Variants in ERVH48-1 observed in about 807,000 individuals in gnomAD.
ERVH48-1 encodes suppressyn.
Under a neutral mutation model 2.4 loss-of-function variants are expected in ERVH48-1, and 4 were observed. That is an observed-to-expected ratio of 1.68 (90% CI 0.83 to 3.84). ERVH48-1 has a LOEUF of 3.84. ERVH48-1 is among the 30% of genes most tolerant of loss of function. ERVH48-1 has a pLI of 0.01. For synonymous variants in ERVH48-1, 32 were observed against 15.5 expected, an observed-to-expected ratio of 2.06 and a Z score of -2.49; for missense variants, 97 against 43.4, an observed-to-expected ratio of 2.23 and a Z score of -3.47.
intron 1 of ERVH48-1, among the ~76,000 whole-genome samples, chr21:42,924,861 T>A (rs1189463012): frequency 6.6e-6 from 1 of 151,858 alleles, no homozygotes; most frequent in Non-Finnish European, 1.5e-5. Flanking sequence ...TTGTCACCGC[T>A]GCCTTTTTCA....
In ERVH48-1 at chr21:42,917,459, GACT is replaced by G. The variant is rs1181680353; in HGVS notation, c.*1062_*1064del. 2 of 152,138 alleles carry G rather than the reference GACT, an allele frequency of 1.3e-5. No homozygotes were observed. 9.4% of individuals were successfully genotyped at this position (152,138 alleles called of 1,614,324 possible). On this transcript the variant is annotated 3_prime_UTR_variant, in exon 2 of 2. Transcript: ENST00000447535. ...CTGGGTCCCATCCCTCCCAGGTTTGGACTGGTACACGGGCTACTTTTCTGATGT... is the reference window on the plus strand; with the variant it reads ...CTGGGTCCCATCCCTCCCAGGTTTGGGGTACACGGGCTACTTTTCTGATGT...
At chr21:42,922,917 T>G (rs1377292140) in intron 1 of ERVH48-1, among the ~76,000 whole-genome samples, 2 of 152,058 alleles carry the variant, frequency 1.3e-5, no homozygotes, top group South Asian at 4.1e-4. Context: ...GTTGACTTGA[T>G]ATTAATTTTA....
rs1301378343 is a variant in ERVH48-1, at chr21:42,918,974, G to A, written c.33C>T (p.Thr11=). Residue 11 remains threonine, a synonymous_variant, in exon 2 of 2, where the codon ACC becomes ACT. Coordinates refer to ENST00000447535, the MANE Select transcript of ERVH48-1 (RefSeq NM_001308491.2). MACIYPTTFY[T]SLPTKSLNMG... ...TATTAAGACTTTTGGTTGGAAGAGA[G>A]GTATAGAAAGTGGTTGGGTAGATAC... The A allele has an allele frequency of 1.1e-6, 1 of 912,166 alleles. No individual in the cohort carries two copies. The highest frequency in any genetic ancestry group is 1.7e-5 in the African/African-American group (1 of 58,292). The allele number at this position is 912,166 out of a possible 1,614,324, so 56.5% of individuals were successfully genotyped here. A position where few individuals can be genotyped will look rare whatever the true frequency, so the allele number is the denominator to read the frequency against.
At chr21:42,919,466 T>C (rs1268009159) in intron 1 of ERVH48-1, 175 bp from the exon 2 acceptor site, 1 of 155,406 alleles carries the variant, frequency 6.4e-6, no homozygotes, top group Non-Finnish European at 1.4e-5. Flanking sequence ...CGGCCATACA[T>C]GATCTCAAAG....
intron 1 of ERVH48-1, among the ~76,000 whole-genome samples, chr21:42,924,713 C>T (rs2058815902): frequency 6.6e-6 from 1 of 152,078 alleles, no homozygotes; most frequent in Non-Finnish European, 1.5e-5. Context: ...CTAAGGTTTG[C>T]AGGTTTTTCA....
In ERVH48-1 at chr21:42,919,154, C is replaced by A; in HGVS notation, c.-148G>T. On this transcript the variant is annotated 5_prime_UTR_variant, in exon 2 of 2. Transcript: ENST00000447535. ...GAAGCTGCCTTGGGGGTGAGCTTGA[C>A]CCTGGTGCGATGGATCCAGTTGGGG... The A allele has an allele frequency of 9.8e-7, 1 of 1,021,758 alleles. No homozygotes were observed. The highest frequency in any genetic ancestry group is 1.3e-6 in the Non-Finnish European group (1 of 789,702). 63.3% of individuals were successfully genotyped at this position (1,021,758 alleles called of 1,614,324 possible).
At position 42,919,047 on chromosome 21, in the gene ERVH48-1, T is replaced by TAAAAAA; in HGVS notation, c.-42_-41insTTTTTT. The TAAAAAA allele has an allele frequency of 8.2e-7, 1 of 1,219,966 alleles. No homozygotes were observed. The highest frequency in any genetic ancestry group is 3.1e-5 in the Admixed American group (1 of 32,120). The allele number at this position is 1,219,966 out of a possible 1,614,324, so 75.6% of individuals were successfully genotyped here. A position where few individuals can be genotyped will look rare whatever the true frequency, so the allele number is the denominator to read the frequency against. ...GTTAGTCTTCCTTGTGTTTTGGTTTTAAGAAAAAAATGTTGGTTAATTTAA... is the reference window on the plus strand; with the variant it reads ...GTTAGTCTTCCTTGTGTTTTGGTTTTAAAAAAAAGAAAAAAATGTTGGTTAATTTAA... On this transcript the variant is annotated 5_prime_UTR_variant, in exon 2 of 2. Coordinates refer to ENST00000447535, the MANE Select transcript of ERVH48-1 (RefSeq NM_001308491.2).
At chr21:42,922,416 G>A (rs1197624427) in intron 1 of ERVH48-1, among the ~76,000 whole-genome samples, 3 of 152,044 alleles carry the variant, frequency 2.0e-5, no homozygotes, top group Non-Finnish European at 2.9e-5. Flanking sequence ...CTGCCTAGGA[G>A]TGGAGTTGGG....
chr21:42,922,564 C>T (rs898390921), intron 1 of ERVH48-1, among the ~76,000 whole-genome samples: 15 of 151,750 alleles, frequency 9.9e-5, no homozygotes, highest in Admixed American at 6.6e-5. Flanking sequence ...CACGGTGAAA[C>T]CCCGTCTCTA....
chr21:42,923,080 AGGC>A (rs1379470430), intron 1 of ERVH48-1, among the ~76,000 whole-genome samples: 1 of 152,162 alleles, frequency 6.6e-6, no homozygotes. Flanking sequence ...GAAGGGATGG[AGGC>A]GGTCCTTGCA....
chr21:42,925,236 C>G (rs1259887549), intron 1 of ERVH48-1, 110 bp downstream of exon 1: 1 of 271,026 alleles, frequency 3.7e-6, no homozygotes, highest in Non-Finnish European at 7.0e-6. Flanking sequence ...TGAACCACCA[C>G]GCCCGGCCAT....
At chr21:42,923,230 C>T (rs1448955412) in intron 1 of ERVH48-1, among the ~76,000 whole-genome samples, 1 of 152,220 alleles carries the variant, frequency 6.6e-6, no homozygotes, top group Non-Finnish European at 1.5e-5. Flanking sequence ...GTGCAGGTGG[C>T]TTGCTAGGAG....
chr21:42,921,656 G>T (rs1053350539), intron 1 of ERVH48-1, among the ~76,000 whole-genome samples: 2 of 144,652 alleles, frequency 1.4e-5, no homozygotes, highest in Non-Finnish European at 3.0e-5. Flanking sequence ...TTAGGGATAA[G>T]GTACAGAGGT....
intron 1 of ERVH48-1, among the ~76,000 whole-genome samples, chr21:42,925,051 T>G (rs1431437259): frequency 6.6e-6 from 1 of 151,720 alleles, no homozygotes; most frequent in African/African-American, 2.4e-5. Flanking sequence ...GTTCAAGCGA[T>G]CCTCCTGCCT....
At chr21:42,920,419 C>T (rs1012641321) in intron 1 of ERVH48-1, among the ~76,000 whole-genome samples, 9 of 152,126 alleles carry the variant, frequency 5.9e-5, no homozygotes, top group African/African-American at 1.7e-4. Flanking sequence ...CAAGTTTCTG[C>T]GGGAGCCTGG....
chr21:42,922,735 G>A (rs1341742327), intron 1 of ERVH48-1, among the ~76,000 whole-genome samples: 2 of 86,484 alleles, frequency 2.3e-5, no homozygotes, highest in South Asian at 4.7e-4. Flanking sequence ...GCCAGACTCC[G>A]TCTCAAAAAA....
Position 42,917,970 on chromosome 21 carries a change from T to A in ERVH48-1, c.*554A>T, listed in dbSNP as rs2058793867. 6.6e-6 allele frequency: 1 copy of A among 152,574 alleles called. No individual in the cohort carries two copies. The highest frequency in any genetic ancestry group is 2.4e-5 in the African/African-American group (1 of 41,448). 9.5% of individuals were successfully genotyped at this position (152,574 alleles called of 1,614,324 possible). A position where few individuals can be genotyped will look rare whatever the true frequency, so the allele number is the denominator to read the frequency against. On this transcript the variant is annotated 3_prime_UTR_variant, in exon 2 of 2. Transcript: ENST00000447535. The stretch of plus-strand genomic sequence containing the variant: ...AGCAAGTACCTTGCCAGTGATAAGG[T>A]AGCTGTGAGTAAGCCTGGGTTCCCC...
rs1410525279 is a variant in ERVH48-1 at position 42,925,499 on chromosome 21, C to A, written c.-439G>T. The A allele has an allele frequency of 1.8e-5, 6 of 340,328 alleles. No individual in the cohort carries two copies. The Admixed American group carries it at 1.8e-4, about 10-fold the overall frequency. 21.1% of individuals were successfully genotyped at this position (340,328 alleles called of 1,614,324 possible). A position where few individuals can be genotyped will look rare whatever the true frequency, so the allele number is the denominator to read the frequency against. ...CGGAAGCCCCTCGCAGGTTTCAGGG[C>A]CAGCCCCAAGGCTCTTGCATTGGTT... On this transcript the variant is annotated 5_prime_UTR_variant, in exon 1 of 2. Transcript: ENST00000447535.
chr21:42,923,770 G>T (rs2076481997), intron 1 of ERVH48-1, among the ~76,000 whole-genome samples: 1 of 152,178 alleles, frequency 6.6e-6, no homozygotes, highest in African/African-American at 2.4e-5. Context: ...ATCAGCATGT[G>T]CCTGAGCTAG....
Sources: allele counts gnomAD v4.1 joint callset (sites outside exome capture counted in the v4.1 genomes callset), GRCh38; gene constraint gnomAD v4.1.1; transcripts MANE v1.5; gene names NCBI Gene and HGNC (gene_info 2026-07-23, HGNC 2026-07-21).